Variants in AEN observed in about 807,000 individuals in gnomAD.
AEN encodes the protein apoptosis enhancing nuclease, also known as apoptosis-enhancing nuclease.
A neutral mutation model predicts 17.7 loss-of-function variants in AEN; 21 were observed. The observed-to-expected ratio is 1.19, with a 90% CI of 0.84 to 1.71. The LOEUF is 1.71. Among genes scored for constraint, AEN ranks in the 40% most tolerant of loss-of-function variants. AEN has a pLI of 0.00. For synonymous variants in AEN, 190 were observed against 173.0 expected (o/e 1.10, Z -0.77); for missense variants, 462 against 435.9 (o/e 1.06, Z -0.53).
upstream of AEN, among the ~76,000 whole-genome samples, chr15:88,617,637 T>A (rs956553087): frequency 1.3e-5 from 2 of 152,108 alleles, no homozygotes; most frequent in Non-Finnish European, 2.9e-5. Context: ...CAGCAATGAT[T>A]AACCCCTTAC....
the AEN span, among the ~76,000 whole-genome samples, chr15:88,606,204 G>A: frequency 4.6e-5 from 7 of 152,066 alleles, no homozygotes; most frequent in Admixed American, 3.3e-4. Flanking sequence ...GCGCTCCCCC[G>A]TGCTCCCTCT....
chr15:88,613,715 C>A, the AEN span, among the ~76,000 whole-genome samples: 1 of 152,160 alleles, frequency 6.6e-6, no homozygotes, highest in African/African-American at 2.4e-5. Context: ...TGCTTACGAG[C>A]TGTGTGACTT....
At chr15:88,627,404 C>G (rs966358493) in intron 2 of AEN, 6 of 150,442 alleles carry the variant, frequency 4.0e-5, no homozygotes, top group African/African-American at 1.5e-4. Flanking sequence ...AGTGACACCC[C>G]AAAAATAAGA....
chr15:88,621,107 C>G (rs1015587237), upstream of AEN, among the ~76,000 whole-genome samples: 6 of 152,228 alleles, frequency 3.9e-5, no homozygotes, highest in Non-Finnish European at 8.8e-5. Flanking sequence ...GCAGGGACGA[C>G]AGGAGGTCAG....
the AEN span, among the ~76,000 whole-genome samples, chr15:88,610,178 C>G: frequency 2.0e-5 from 3 of 152,142 alleles, no homozygotes; most frequent in African/African-American, 7.2e-5. Context: ...GTGCTAAGCT[C>G]TCCTATTAAC....
intron 1 of AEN, among the ~76,000 whole-genome samples, chr15:88,625,847 A>G (rs530669944): frequency 4.6e-5 from 7 of 152,318 alleles, no homozygotes; most frequent in African/African-American, 1.7e-4. Flanking sequence ...TAATGGGGCA[A>G]GTTTCTTCAC....
intron 3 of AEN, 106 bp downstream of exon 3, chr15:88,629,532 C>G: frequency 7.3e-7 from 1 of 1,361,356 alleles, no homozygotes; most frequent in East Asian, 2.3e-5. Context: ...CCTTGTCATT[C>G]TCTTCCCTAG....
chr15:88,616,638 G>A (rs1386654992), upstream of AEN, among the ~76,000 whole-genome samples: 1 of 152,172 alleles, frequency 6.6e-6, no homozygotes, highest in Non-Finnish European at 1.5e-5. Flanking sequence ...ATTTTTTTAT[G>A]ATAAATGTAA....
At chr15:88,623,329 GCCCTGC>G (rs1166839041) in intron 1 of AEN, among the ~76,000 whole-genome samples, 1 of 152,220 alleles carries the variant, frequency 6.6e-6, no homozygotes, top group Non-Finnish European at 1.5e-5. Flanking sequence ...AGGATGCGGT[GCCCTGC>G]CCTAGAGTGT....
At position 88,632,135 on chromosome 15, in the gene AEN, A is replaced by T. The variant is rs769623690; in HGVS notation, c.*1841A>T. ...TAGATTCCTTAAAAGTCGGTAGCTG[A>T]TGTCAAACTCAATTGAGCAGTAGCT... On this transcript the variant is annotated 3_prime_UTR_variant, in exon 4 of 4. Coordinates refer to ENST00000332810, the MANE Select transcript of AEN (RefSeq NM_022767.4). 1 of 152,206 alleles carries T rather than the reference A, an allele frequency of 6.6e-6. No homozygotes were observed. The highest frequency in any genetic ancestry group is 1.5e-5 in the Non-Finnish European group (1 of 68,044). The allele number at this position is 152,206 out of a possible 1,614,324, so 9.4% of individuals were successfully genotyped here. A position where few individuals can be genotyped will look rare whatever the true frequency, so the allele number is the denominator to read the frequency against.
At chr15:88,625,913 C>G (rs1178238878) in intron 1 of AEN, among the ~76,000 whole-genome samples, 2 of 152,232 alleles carry the variant, frequency 1.3e-5, no homozygotes, top group Non-Finnish European at 2.9e-5. Flanking sequence ...TTGTTCAGGT[C>G]ATTGAGCAGA....
the AEN span, chr15:88,604,869 G>C: frequency 6.6e-6 from 1 of 152,434 alleles, no homozygotes; most frequent in African/African-American, 2.4e-5. The surrounding 1 kb of genome is among the most constrained non-coding windows in gnomAD (Gnocchi z 8.1). Flanking sequence ...AGTACCGGCA[G>C]CTGGGTGGTG....
chr15:88,629,207 C>T lies in AEN; in HGVS notation c.541-19C>T. On this transcript the variant is annotated intron_variant, in intron 2 of 3. Transcript: ENST00000332810. ...ATGGGGTGTGGGGTGACCTCCCTGA[C>T]TCCTCTTTCTGCTCACAGATCCTTA... 6.2e-7 allele frequency: 1 copy of T among 1,613,182 alleles called. No homozygotes were observed. The highest frequency in any genetic ancestry group is 8.5e-7 in the Non-Finnish European group (1 of 1,179,344).
chr15:88,604,986 C>T, the AEN span: 1 of 152,446 alleles, frequency 6.6e-6, no homozygotes, highest in African/African-American at 2.4e-5. This position sits in a 1 kb window ranked among gnomAD's most constrained non-coding sequence, Gnocchi z 8.1. Context: ...CCCGTCCCCT[C>T]CTCCAGGTCA....
upstream of AEN, among the ~76,000 whole-genome samples, chr15:88,616,385 C>A (rs2057738732): frequency 6.6e-6 from 1 of 152,162 alleles, no homozygotes. Context: ...AGCCACCGCA[C>A]CTGGCCTAGG....
the AEN span, among the ~76,000 whole-genome samples, chr15:88,613,131 C>T: frequency 1.3e-5 from 2 of 152,236 alleles, no homozygotes; most frequent in Non-Finnish European, 2.9e-5. Context: ...TTAGGGAATG[C>T]TAAAAATGCA....
At chr15:88,608,036 A>G in the AEN span, 7 of 480,452 alleles carry the variant, frequency 1.5e-5, no homozygotes, top group South Asian at 9.1e-5. Context: ...TTTTTTAATT[A>G]TTATTCACTT....
Position 88,630,132 on chromosome 15 carries a change from G to T in AEN, c.816G>T (p.Gln272His). ...AGCTCTACCGGCTGGTGGAGGTGCAGTGGGAACAGCAGGAGGCCCGCAGCC... is the reference window on the plus strand; with the variant it reads ...AGCTCTACCGGCTGGTGGAGGTGCATTGGGAACAGCAGGAGGCCCGCAGCC... ...AMELYRLVEV[Q>H]WEQQEARSLW... Residue 272 changes from glutamine to histidine, a missense_variant, in exon 4 of 4, where the codon CAG (glutamine) becomes CAT (histidine). By Grantham distance (24) the Gln-to-His change is conservative. Transcript: ENST00000332810. The surrounding 1 kb of genome is among the most constrained non-coding windows in gnomAD (Gnocchi z 5.1). 1 of 1,613,832 alleles carries T rather than the reference G, an allele frequency of 6.2e-7. No individual in the cohort carries two copies.
In AEN at chr15:88,626,273, G is replaced by T; in HGVS notation, c.64G>T (p.Ala22Ser). 2 of 1,613,484 alleles carry T rather than the reference G, an allele frequency of 1.2e-6. No individual in the cohort carries two copies. The highest frequency in any genetic ancestry group is 1.7e-6 in the Non-Finnish European group (2 of 1,179,924). Residue 22 changes from alanine to serine, a missense_variant, in exon 2 of 4, where the codon GCC becomes TCC. Ala to Ser is a moderately conservative substitution (Grantham distance 99). Transcript: ENST00000332810. ...CLCPSLTIPN[A>S]KDVLRKRHKR... ...GTGCCCTTCCCTCACCATCCCAAAT[G>T]CCAAGGATGTGCTTCGGAAGAGGCA...
Sources: allele counts gnomAD v4.1 joint callset (sites outside exome capture counted in the v4.1 genomes callset), GRCh38; gene constraint gnomAD v4.1.1; non-coding constraint Gnocchi (gnomAD v3.1); transcripts MANE v1.5; gene names NCBI Gene and HGNC (gene_info 2026-07-23, HGNC 2026-07-21).